The following HPCAL1 variants were observed in gnomAD, a reference collection of about 807,000 sequenced individuals.
The protein encoded by HPCAL1 is hippocalcin like 1.
A neutral mutation model predicts 17.1 loss-of-function variants in HPCAL1; 8 were observed. The observed-to-expected ratio is 0.47, with a 90% CI of 0.27 to 0.84. The LOEUF is 0.84. HPCAL1 is among the 40% of genes least tolerant of loss of function. HPCAL1 has a pLI of 0.13. For synonymous variants in HPCAL1, 112 were observed against 111.4 expected, an observed-to-expected ratio of 1.01 and a Z score of -0.03; for missense variants, 165 against 271.1, an observed-to-expected ratio of 0.61 and a Z score of 2.75.
At chr2:10,393,155 C>G (rs150833045) in intron 1 of HPCAL1, among the ~76,000 whole-genome samples, 102 of 152,330 alleles carry the variant, frequency 6.7e-4, no homozygotes, top group African/African-American at 2.2e-3. Flanking sequence ...TCGGGAGCAA[C>G]CAGACATAAC....
At chr2:10,326,857 T>C (rs991704486) in intron 1 of HPCAL1, among the ~76,000 whole-genome samples, 3 of 152,128 alleles carry the variant, frequency 2.0e-5, no homozygotes, top group Non-Finnish European at 4.4e-5. Context: ...GTTTGGCAGC[T>C]GGCCATGGCA....
intron 1 of HPCAL1, among the ~76,000 whole-genome samples, chr2:10,339,153 G>GA (rs944930091): frequency 1.3e-5 from 2 of 151,494 alleles, no homozygotes; most frequent in African/African-American, 2.4e-5. Flanking sequence ...ATGTATATTT[G>GA]AAAAAAAAAT....
chr2:10,378,673 G>A (rs1050933806), intron 1 of HPCAL1, among the ~76,000 whole-genome samples: 7 of 152,004 alleles, frequency 4.6e-5, no homozygotes, highest in Admixed American at 2.6e-4. Flanking sequence ...TACCACCATC[G>A]CCCTCGGGGT....
At chr2:10,332,712 G>A (rs1250926589) in intron 1 of HPCAL1, among the ~76,000 whole-genome samples, 1 of 152,182 alleles carries the variant, frequency 6.6e-6, no homozygotes, top group Non-Finnish European at 1.5e-5. Context: ...GGGAAGTGGA[G>A]TGGGCTGGGT....
chr2:10,413,549 G>A (rs962964247), intron 2 of HPCAL1, among the ~76,000 whole-genome samples: 11 of 152,172 alleles, frequency 7.2e-5, no homozygotes, highest in South Asian at 2.1e-4. Context: ...GGCCGCAGGC[G>A]CACACGTCTG....
intron 2 of HPCAL1, among the ~76,000 whole-genome samples, chr2:10,412,516 A>G (rs942861962): frequency 6.6e-6 from 1 of 152,196 alleles, no homozygotes; most frequent in African/African-American, 2.4e-5. Flanking sequence ...CTGCCCTGAC[A>G]GTTATGGAGG....
chr2:10,310,716 T>G lies in HPCAL1; in HGVS notation c.-111+7539T>G, dbSNP rs982388103. Among the ~76,000 whole-genome samples, 9 of 152,240 alleles carry G rather than the reference T, an allele frequency of 5.9e-5. No individual in the cohort carries two copies. Among genetic ancestry groups the G allele is most frequent in the Middle Eastern group, 3.4e-3 (1 of 294 alleles). On this transcript the variant is annotated intron_variant, in intron 1 of 4. Coordinates refer to ENST00000307845, the MANE Select transcript of HPCAL1 (RefSeq NM_002149.4). This position sits in a 1 kb window ranked among gnomAD's most constrained non-coding sequence, Gnocchi z 4.5. ...TCCCTCTGTGAGTGTGTGCAGAGCA[T>G]GGATCGGGTCTGGGAGTGTTCGTGC...
chr2:10,388,552 G>A (rs768139681), intron 1 of HPCAL1, among the ~76,000 whole-genome samples: 9 of 152,198 alleles, frequency 5.9e-5, no homozygotes, highest in Admixed American at 2.6e-4. Flanking sequence ...CAGGTCTCAC[G>A]GTCTCCCGTC....
At chr2:10,340,345 G>A (rs530265556) in intron 1 of HPCAL1, among the ~76,000 whole-genome samples, 2 of 152,312 alleles carry the variant, frequency 1.3e-5, no homozygotes, top group African/African-American at 4.8e-5. Flanking sequence ...ACCATGTAAG[G>A]TGTAGCCACA....
rs773420620 is a variant in HPCAL1, at chr2:10,419,722, CCT to C, written c.-24-11_-24-10del. ...CGTGGGTGGCGTCCCCGGCTGACCC[CCT>C]GTCTTGCAGGTGTAGTCGCCGCCGC... On this transcript the variant is annotated splice_polypyrimidine_tract_variant and intron_variant, in intron 2 of 4. Transcript: ENST00000307845. This position sits in a 1 kb window ranked among gnomAD's most constrained non-coding sequence, Gnocchi z 5.0. The C allele has an allele frequency of 9.5e-6, 15 of 1,584,320 alleles. No individual in the cohort carries two copies. The Middle Eastern group carries it at 5.1e-4, about 54-fold the overall frequency.
chr2:10,306,674 G>T (rs1453169528), intron 1 of HPCAL1, among the ~76,000 whole-genome samples: 1 of 152,206 alleles, frequency 6.6e-6, no homozygotes, highest in Non-Finnish European at 1.5e-5. Flanking sequence ...GGTGCAGATT[G>T]TAATATGACT....
At chr2:10,414,475 C>T (rs764822670) in intron 2 of HPCAL1, among the ~76,000 whole-genome samples, 12 of 152,182 alleles carry the variant, frequency 7.9e-5, no homozygotes, top group Admixed American at 3.9e-4. Context: ...TGCCTTCACA[C>T]GGTTTCCCCT....
chr2:10,333,675 T>G (rs1356826140), intron 1 of HPCAL1, among the ~76,000 whole-genome samples: 3 of 152,234 alleles, frequency 2.0e-5, no homozygotes, highest in Non-Finnish European at 4.4e-5. Context: ...CCAAATATTC[T>G]ATGTCTCTTT....
chr2:10,424,965 G>A (rs1301511731), intron 4 of HPCAL1: 4 of 237,088 alleles, frequency 1.7e-5, no homozygotes, highest in Admixed American at 4.8e-5. Flanking sequence ...TTGTCAGGCC[G>A]CACATGTGGG....
rs1433375898 is a variant in HPCAL1 at position 10,310,668 on chromosome 2, G to A, written c.-111+7491G>A. ...CTGCAGGTTGTTCCTCAGGCATAAC[G>A]AGGCCCGGAGCTGGTGGTCCCCTCC... On this transcript the variant is annotated intron_variant, in intron 1 of 4. Coordinates refer to ENST00000307845, the MANE Select transcript of HPCAL1 (RefSeq NM_002149.4). The surrounding 1 kb of genome is among the most constrained non-coding windows in gnomAD (Gnocchi z 4.5). Among the ~76,000 whole-genome samples, 1 of 152,118 alleles carries A rather than the reference G, an allele frequency of 6.6e-6. No individual in the cohort carries two copies. The highest frequency in any genetic ancestry group is 1.5e-5 in the Non-Finnish European group (1 of 68,014).
In HPCAL1 at chr2:10,331,237, G is replaced by A. The variant is rs11890313; in HGVS notation, c.-111+28060G>A. Among the ~76,000 whole-genome samples, 24,292 of 152,050 alleles carry A rather than the reference G, an allele frequency of 0.16. 2,090 individuals carry two copies. Among genetic ancestry groups the A allele is most frequent in the Middle Eastern group, 0.28 (83 of 294 alleles). Reference sequence around the variant, plus strand: ...CCAGGTGCCCCCGGCCCAGCCACAGGGTGCTGGCTGCCTGTTACTCAGCAC... The same window carrying A: ...CCAGGTGCCCCCGGCCCAGCCACAGAGTGCTGGCTGCCTGTTACTCAGCAC... On this transcript the variant is annotated intron_variant, in intron 1 of 4. Coordinates refer to ENST00000307845, the MANE Select transcript of HPCAL1 (RefSeq NM_002149.4). The surrounding 1 kb of genome is among the most constrained non-coding windows in gnomAD (Gnocchi z 5.0).
chr2:10,403,937 A>G (rs749318327), intron 2 of HPCAL1, among the ~76,000 whole-genome samples: 5 of 152,066 alleles, frequency 3.3e-5, no homozygotes, highest in Non-Finnish European at 7.4e-5. Context: ...CTAAGTTTCG[A>G]TGGTATTTTT....
intron 1 of HPCAL1, among the ~76,000 whole-genome samples, chr2:10,345,153 T>G (rs1665344315): frequency 6.6e-6 from 1 of 151,966 alleles, no homozygotes; most frequent in Non-Finnish European, 1.5e-5. Flanking sequence ...CTGTCTGTCT[T>G]GCTCTCTCTG....
intron 1 of HPCAL1, among the ~76,000 whole-genome samples, chr2:10,386,551 G>T (rs1394644605): frequency 1.3e-5 from 2 of 152,156 alleles, no homozygotes; most frequent in African/African-American, 2.4e-5. Context: ...AGGGGGTGAG[G>T]TTGTGTGAGA....
Sources: gnomAD v4.1 joint callset for allele counts (sites outside exome capture counted in the v4.1 genomes callset) on GRCh38, gnomAD v4.1.1 for gene constraint, Gnocchi (gnomAD v3.1) non-coding constraint, MANE v1.5 for transcripts, NCBI Gene and HGNC (gene_info 2026-07-23, HGNC 2026-07-21) for gene names.